Variants in CDH7 observed in about 807,000 individuals in gnomAD.
CDH7 encodes cadherin-7.
Under a neutral mutation model 71.8 loss-of-function variants are expected in CDH7, and 25 were observed. The observed-to-expected ratio is 0.35, with a 90% CI of 0.25 to 0.49. CDH7 has a LOEUF of 0.49. Among genes scored for constraint, CDH7 ranks in the 20% least tolerant of loss-of-function variants. The pLI is 0.99. For synonymous variants in CDH7, 381 were observed against 363.8 expected (o/e 1.05, Z -0.54); for missense variants, 862 against 974.6 (o/e 0.88, Z 1.54).
At chr18:65,874,545 G>T (rs1436844800) in intron 11 of CDH7, among the ~76,000 whole-genome samples, 2 of 151,896 alleles carry the variant, frequency 1.3e-5, no homozygotes, top group Non-Finnish European at 2.9e-5. Flanking sequence ...GGGGAGTAAG[G>T]GTTGAAAAAC....
chr18:65,826,313 T>G (rs942438496), intron 6 of CDH7, among the ~76,000 whole-genome samples: 4 of 151,346 alleles, frequency 2.6e-5, no homozygotes, highest in East Asian at 1.9e-4. Context: ...AGGCTTTTCT[T>G]TTTGAGTAAC....
At chr18:65,804,589 G>A (rs1911243407) in intron 2 of CDH7, among the ~76,000 whole-genome samples, 1 of 152,002 alleles carries the variant, frequency 6.6e-6, no homozygotes, top group African/African-American at 2.4e-5. Flanking sequence ...TTTTAGTTTT[G>A]GGCTCTACAA....
At chr18:65,776,028 A>G (rs76029606) in intron 2 of CDH7, among the ~76,000 whole-genome samples, 6,230 of 152,284 alleles carry the variant, frequency 0.041, 404 homozygotes, top group African/African-American at 0.14. Flanking sequence ...TGTTAGTTAT[A>G]TTTATAAATT....
chr18:65,867,472 G>GA (rs977497571), intron 11 of CDH7, among the ~76,000 whole-genome samples: 34 of 151,386 alleles, frequency 2.2e-4, no homozygotes, highest in African/African-American at 7.5e-4. Flanking sequence ...ACACTTTAAA[G>GA]AAAAAAAATT....
chr18:65,765,681 A>G (rs772901805), intron 2 of CDH7, among the ~76,000 whole-genome samples: 1 of 152,060 alleles, frequency 6.6e-6, no homozygotes, highest in Admixed American at 6.6e-5. Context: ...CAATCTAGCT[A>G]TTTGGGTAAT....
At chr18:65,809,346 C>A (rs1446736007) in intron 2 of CDH7, among the ~76,000 whole-genome samples, 1 of 152,160 alleles carries the variant, frequency 6.6e-6, no homozygotes, top group Non-Finnish European at 1.5e-5. Context: ...TAGAATAGAT[C>A]AAATCAACCC....
At chr18:65,816,453 T>C (rs1432037924) in intron 4 of CDH7, among the ~76,000 whole-genome samples, 1 of 152,190 alleles carries the variant, frequency 6.6e-6, no homozygotes, top group African/African-American at 2.4e-5. Flanking sequence ...TTCATTTATA[T>C]GTGAGAAATA....
At chr18:65,772,084 T>A (rs1916560883) in intron 2 of CDH7, among the ~76,000 whole-genome samples, 1 of 152,210 alleles carries the variant, frequency 6.6e-6, no homozygotes, top group African/African-American at 2.4e-5. Flanking sequence ...GTTAAAATGC[T>A]GACATGTTTT....
intron 11 of CDH7, among the ~76,000 whole-genome samples, chr18:65,871,733 A>G (rs1229176742): frequency 1.3e-5 from 2 of 152,244 alleles, no homozygotes; most frequent in Non-Finnish European, 2.9e-5. Context: ...GCCATTGGAC[A>G]GAAAGTTGTT....
chr18:65,862,716 C>A lies in CDH7; in HGVS notation c.1663C>A (p.Gln555Lys), dbSNP rs2144038148. ...GAGAAACGGCTTCCGGAGACAGGAA[C>A]AATCAGTTTACTATCTGCCAATTTT... ...TRRNGFRRQE[Q>K]SVYYLPIFIV... Residue 555 changes from glutamine (Q) to lysine (K), a missense_variant, in exon 11 of 12, where the codon CAA becomes AAA. Physicochemically the swap from Gln to Lys is moderately conservative, Grantham distance 53. Transcript: ENST00000397968. The A allele has an allele frequency of 1.2e-6, 2 of 1,614,104 alleles. No individual in the cohort carries two copies. The highest frequency in any genetic ancestry group is 1.1e-5 in the South Asian group (1 of 91,074).
intron 2 of CDH7, among the ~76,000 whole-genome samples, chr18:65,776,589 G>T (rs1443117809): frequency 2.0e-5 from 3 of 152,128 alleles, no homozygotes; most frequent in African/African-American, 4.8e-5. Flanking sequence ...GAGATTGCTT[G>T]TTAATCTCTC....
Position 65,859,817 on chromosome 18 carries a change from A to T in CDH7, c.1604A>T (p.Asp535Val). The T allele has an allele frequency of 1.3e-6, 2 of 1,563,264 alleles. No individual in the cohort carries two copies. Among genetic ancestry groups the T allele is most frequent in the African/African-American group, 2.7e-5 (2 of 73,956 alleles). Residue 535 changes from aspartate (D) to valine (V), a missense_variant, in exon 10 of 12, where the codon GAT becomes GTT. Coordinates refer to ENST00000397968, the MANE Select transcript of CDH7 (RefSeq NM_004361.5). ...AATAACCACAACTTTTCATTGAAAG[A>T]TAACAAAGGTAATGTATTAATATTG... ...ATNNHNFSLK[D>V]NKDNTASILT...
At chr18:65,779,082 G>T (rs2086875) in intron 2 of CDH7, among the ~76,000 whole-genome samples, 14,082 of 73,250 alleles carry the variant, frequency 0.19, 1,999 homozygotes, top group African/African-American at 0.53. Flanking sequence ...TTGTTTGTTT[G>T]TTTTTTTTAA....
chr18:65,763,104 G>A lies in CDH7; in HGVS notation c.210+52G>A, dbSNP rs2276190. The A allele has an allele frequency of 0.32, 401,965 of 1,275,374 alleles. 67,865 individuals carry two copies. Among genetic ancestry groups the A allele is most frequent in the African/African-American group, 0.52 (35,198 of 67,126 alleles). The allele number at this position is 1,275,374 out of a possible 1,614,324, so 79.0% of individuals were successfully genotyped here. ...GTAAATGATTATTGTCCATGTCTAT[G>A]GTTTGATGAAAAACTGCTATATATA... On this transcript the variant is annotated intron_variant, in intron 2 of 11. Coordinates refer to ENST00000397968, the MANE Select transcript of CDH7 (RefSeq NM_004361.5).
At chr18:65,831,323 C>A (rs1294892805) in intron 6 of CDH7, among the ~76,000 whole-genome samples, 2 of 152,124 alleles carry the variant, frequency 1.3e-5, no homozygotes, top group Non-Finnish European at 2.9e-5. Flanking sequence ...CACTCTCATT[C>A]ACATCCCTGA....
chr18:65,837,707 A>G (rs565736403), intron 6 of CDH7, among the ~76,000 whole-genome samples: 2 of 152,328 alleles, frequency 1.3e-5, no homozygotes, highest in South Asian at 2.1e-4. Context: ...AAGCTAAAAG[A>G]AACATAAGGC....
chr18:65,752,584 A>C (rs920741067), intron 1 of CDH7, among the ~76,000 whole-genome samples: 1 of 152,232 alleles, frequency 6.6e-6, no homozygotes, highest in African/African-American at 2.4e-5. Flanking sequence ...ATGCATGAAG[A>C]ATCCTTTTCT....
intron 10 of CDH7, among the ~76,000 whole-genome samples, chr18:65,861,590 T>A (rs991090008): frequency 1.3e-5 from 2 of 152,208 alleles, no homozygotes; most frequent in Admixed American, 1.3e-4. Context: ...AAGATTTTTT[T>A]ACATAAAAAT....
chr18:65,834,046 C>T (rs1314137979), intron 6 of CDH7, among the ~76,000 whole-genome samples: 3 of 152,074 alleles, frequency 2.0e-5, no homozygotes, highest in Non-Finnish European at 4.4e-5. Context: ...TTCCCCCCTG[C>T]CCTCCCACGG....
Sources: gnomAD v4.1 joint callset for allele counts (sites outside exome capture counted in the v4.1 genomes callset) on GRCh38, gnomAD v4.1.1 for gene constraint, MANE v1.5 for transcripts, NCBI Gene and HGNC (gene_info 2026-07-23, HGNC 2026-07-21) for gene names.